The following CFAP299 variants were observed in gnomAD, a reference collection of about 807,000 sequenced individuals.
CFAP299 encodes the protein cilia- and flagella-associated protein 299.
In CFAP299, 21 loss-of-function variants were observed where a neutral mutation model predicts 27.0. The ratio of observed to expected loss-of-function variants is 0.78; its 90% CI spans 0.55 to 1.12. CFAP299 has a LOEUF of 1.12. CFAP299 is among the 50% of genes most tolerant of loss of function. The pLI is 0.00. For missense variants in CFAP299, 310 were observed against 276.6 expected, an observed-to-expected ratio of 1.12 and a Z score of -0.86; for synonymous variants, 104 against 98.1, an observed-to-expected ratio of 1.06 and a Z score of -0.36.
At chr4:80,752,935 T>C (rs1725019771) in intron 3 of CFAP299, among the ~76,000 whole-genome samples, 1 of 152,130 alleles carries the variant, frequency 6.6e-6, no homozygotes, top group Non-Finnish European at 1.5e-5. Flanking sequence ...ATCCTTGTGC[T>C]ATTATTGTCA....
At chr4:80,693,682 A>C (rs1439136467) in intron 3 of CFAP299, among the ~76,000 whole-genome samples, 1 of 151,858 alleles carries the variant, frequency 6.6e-6, no homozygotes, top group African/African-American at 2.4e-5. Flanking sequence ...CCTAAAACTT[A>C]AAGTATAATA....
chr4:80,472,138 G>C (rs1222126997), intron 2 of CFAP299, among the ~76,000 whole-genome samples: 1 of 152,208 alleles, frequency 6.6e-6, no homozygotes, highest in Non-Finnish European at 1.5e-5. Flanking sequence ...GGGCAGGAGA[G>C]GGAGTTGTTT....
intron 3 of CFAP299, among the ~76,000 whole-genome samples, chr4:80,630,710 CCA>C (rs1245899503): frequency 6.6e-6 from 1 of 151,784 alleles, no homozygotes; most frequent in Admixed American, 6.6e-5. Flanking sequence ...AATTAATGAT[CCA>C]CATATTATCG....
At chr4:80,580,371 G>A (rs776988909) in intron 2 of CFAP299, among the ~76,000 whole-genome samples, 2 of 152,010 alleles carry the variant, frequency 1.3e-5, no homozygotes, top group Non-Finnish European at 2.9e-5. Flanking sequence ...CCAAGTGAAA[G>A]TTAGGGTTGT....
At chr4:80,842,411 G>T (rs554810121) in intron 3 of CFAP299, among the ~76,000 whole-genome samples, 1 of 152,258 alleles carries the variant, frequency 6.6e-6, no homozygotes, top group African/African-American at 2.4e-5. Flanking sequence ...ATTCAGCACA[G>T]TTGGCTTCTA....
chr4:80,439,721 G>A (rs527532246), intron 2 of CFAP299, among the ~76,000 whole-genome samples: 1 of 152,266 alleles, frequency 6.6e-6, no homozygotes, highest in East Asian at 1.9e-4. Context: ...AAAGGGGGCT[G>A]AAGCCAGGGA....
At chr4:80,763,434 A>C (rs1725653675) in intron 3 of CFAP299, among the ~76,000 whole-genome samples, 1 of 151,924 alleles carries the variant, frequency 6.6e-6, no homozygotes, top group Non-Finnish European at 1.5e-5. Flanking sequence ...ACTACAAACC[A>C]CCTCCCAAGG....
At chr4:80,515,841 C>T (rs913981290) in intron 2 of CFAP299, among the ~76,000 whole-genome samples, 9 of 151,956 alleles carry the variant, frequency 5.9e-5, no homozygotes, top group East Asian at 5.8e-4. Context: ...TATAGCTGGA[C>T]GACAAATGGA....
intron 3 of CFAP299, among the ~76,000 whole-genome samples, chr4:80,667,515 C>A (rs946989485): frequency 6.6e-6 from 1 of 152,086 alleles, no homozygotes; most frequent in Non-Finnish European, 1.5e-5. Context: ...CTTTCCTGTC[C>A]TCTGGTCACC....
rs1416849955 is a variant in CFAP299, at chr4:80,388,563, C to T, written c.242+25679C>T. 11 of 1,415,884 alleles carry T rather than the reference C, an allele frequency of 7.8e-6. No homozygotes were observed. In the African/African-American group the frequency reaches 1.6e-4, roughly 21 times the overall value. 87.7% of individuals were successfully genotyped at this position (1,415,884 alleles called of 1,614,324 possible). On this transcript the variant is annotated intron_variant, in intron 2 of 5. Transcript: ENST00000358105. ...TTCTTACACTTCCCACAGAGAAAGA[C>T]ATCCTCATCATCCAATGGCTGGATA...
chr4:80,507,514 G>A (rs1335190507), intron 2 of CFAP299, among the ~76,000 whole-genome samples: 1 of 151,614 alleles, frequency 6.6e-6, no homozygotes, highest in Non-Finnish European at 1.5e-5. Flanking sequence ...TAGAAGCATT[G>A]CTTTCTTGGA....
chr4:80,422,743 C>G (rs1417641748), intron 2 of CFAP299, among the ~76,000 whole-genome samples: 1 of 152,098 alleles, frequency 6.6e-6, no homozygotes. Context: ...ATGGGTGGCA[C>G]TGGGGATGAG....
chr4:80,600,650 T>C (rs1181473847), intron 3 of CFAP299, among the ~76,000 whole-genome samples: 1 of 152,132 alleles, frequency 6.6e-6, no homozygotes, highest in Non-Finnish European at 1.5e-5. Flanking sequence ...CATACTGTGG[T>C]TATTTGCTTT....
intron 3 of CFAP299, among the ~76,000 whole-genome samples, chr4:80,808,849 T>TTA (rs1728998136): frequency 6.6e-6 from 1 of 152,084 alleles, no homozygotes; most frequent in South Asian, 2.1e-4. Context: ...TCATGGTACA[T>TTA]AGTCCCATGA....
rs1722798490 is a variant in CFAP299 at position 80,347,581 on chromosome 4, G to A, written c.111+11702G>A. Among the ~76,000 whole-genome samples the A allele has an allele frequency of 4.6e-5, 7 of 152,292 alleles. 1 individual carries two copies. The South Asian group carries it at 1.5e-3, about 32-fold the overall frequency. On this transcript the variant is annotated intron_variant, in intron 1 of 5. Transcript: ENST00000358105. ...TAAGAATAGAGCTAACAAGGAAAGT[G>A]AAGGACCTCTTCAAGGAGAACTACA...
At chr4:80,478,831 T>G (rs1730414288) in intron 2 of CFAP299, among the ~76,000 whole-genome samples, 2 of 151,424 alleles carry the variant, frequency 1.3e-5, no homozygotes, top group Non-Finnish European at 3.0e-5. Flanking sequence ...AGGGAGGTGG[T>G]GTTCATATGA....
intron 4 of CFAP299, 51 bp downstream of exon 4, chr4:80,870,186 T>A: frequency 6.5e-7 from 1 of 1,539,502 alleles, no homozygotes; most frequent in Non-Finnish European, 8.8e-7. Flanking sequence ...AAAGACTTTT[T>A]ATTTTATGGT....
chr4:80,745,598 A>G (rs185358549), intron 3 of CFAP299, among the ~76,000 whole-genome samples: 20 of 152,190 alleles, frequency 1.3e-4, no homozygotes, highest in Admixed American at 1.3e-3. Flanking sequence ...AAGATAGCAC[A>G]GTTTCCATAT....
At position 80,905,341 on chromosome 4, in the gene CFAP299, C is replaced by T. The variant is rs570879654; in HGVS notation, c.476+35206C>T. 6.2e-4 allele frequency among the ~76,000 whole-genome samples: 94 copies of T among 152,292 alleles called. 1 individual carries two copies. Among genetic ancestry groups the T allele is most frequent in the East Asian group, 1.2e-3 (6 of 5,192 alleles). On this transcript the variant is annotated intron_variant, in intron 4 of 5. Transcript: ENST00000358105. ...AGAAACACAACCAGCTGTTAGACTA[C>T]GCTTACTAGTGAGTTTGACCATAAA...
Sources: allele counts gnomAD v4.1 joint callset (sites outside exome capture counted in the v4.1 genomes callset), GRCh38; gene constraint gnomAD v4.1.1; transcripts MANE v1.5; gene names NCBI Gene and HGNC (gene_info 2026-07-23, HGNC 2026-07-21).